Variants in WDR72 observed in about 807,000 individuals in gnomAD.
The protein encoded by WDR72 is WD repeat-containing protein 72.
WDR72 carries 120 observed loss-of-function variants against 124.2 expected under a neutral mutation model. The observed-to-expected ratio is 0.97, with a 90% CI of 0.83 to 1.12. The LOEUF (loss-of-function observed/expected upper bound fraction) is 1.12. WDR72 is among the 50% of genes most tolerant of loss of function. WDR72 has a pLI of 0.00. For missense variants in WDR72, 1,387 were observed against 1,278.8 expected (o/e 1.08, Z -1.29); for synonymous variants, 452 against 441.7 (o/e 1.02, Z -0.29).
intron 18 of WDR72, among the ~76,000 whole-genome samples, chr15:53,549,044 C>T (rs1893613765): frequency 6.6e-6 from 1 of 152,164 alleles, no homozygotes; most frequent in Admixed American, 6.5e-5. Flanking sequence ...CTATTTCAAA[C>T]AGTTAAGTAT....
chr15:53,758,776 G>C (rs1271696308), intron 1 of WDR72, among the ~76,000 whole-genome samples: 9 of 124,550 alleles, frequency 7.2e-5, no homozygotes, highest in Non-Finnish European at 8.9e-5. Context: ...TGCGGGGGGG[G>C]GGGGGGCGGT....
At chr15:53,608,207 T>C (rs539609977) in intron 17 of WDR72, among the ~76,000 whole-genome samples, 16 of 152,322 alleles carry the variant, frequency 1.1e-4, no homozygotes, top group Non-Finnish European at 1.9e-4. Context: ...ACTCCTATGT[T>C]TGTTGCAGAA....
intron 18 of WDR72, among the ~76,000 whole-genome samples, chr15:53,578,525 T>C (rs2011739810): frequency 6.6e-6 from 1 of 151,942 alleles, no homozygotes; most frequent in African/African-American, 2.4e-5. Flanking sequence ...TATGCAGAGG[T>C]TGAGAGCCAT....
In WDR72 at chr15:53,514,203, C is replaced by T. The variant is rs1891317919; in HGVS notation, c.*3496G>A. 6.6e-6 allele frequency: 1 copy of T among 152,250 alleles called. No homozygotes were observed. The highest frequency in any genetic ancestry group is 6.5e-5 in the Admixed American group (1 of 15,288). The allele number at this position is 152,250 out of a possible 1,614,324, so 9.4% of individuals were successfully genotyped here. ...GCAATGACTTTCTTAGGAAATTAAA[C>T]ACAACTTTTGGCACTTTACATATAA... On this transcript the variant is annotated 3_prime_UTR_variant, in exon 20 of 20. Transcript: ENST00000360509.
intron 11 of WDR72, among the ~76,000 whole-genome samples, chr15:53,704,334 T>C (rs1032397509): frequency 2.0e-5 from 3 of 152,202 alleles, no homozygotes; most frequent in Non-Finnish European, 4.4e-5. Flanking sequence ...TACATTTTTA[T>C]TTGTGCAATA....
intron 13 of WDR72, among the ~76,000 whole-genome samples, chr15:53,690,664 T>C (rs1182061583): frequency 1.3e-5 from 2 of 152,212 alleles, no homozygotes; most frequent in African/African-American, 2.4e-5. Context: ...TATATTATGA[T>C]TTGTTAGATT....
At chr15:53,711,209 T>C (rs1027084007) in intron 8 of WDR72, 127 bp downstream of exon 8, 11 of 1,381,718 alleles carry the variant, frequency 8.0e-6, no homozygotes, top group Non-Finnish European at 1.1e-5. Flanking sequence ...GAGTAAATCT[T>C]CTAGTGCCAA....
intron 13 of WDR72, among the ~76,000 whole-genome samples, chr15:53,697,152 T>A (rs968264414): frequency 6.6e-6 from 1 of 152,240 alleles, no homozygotes; most frequent in East Asian, 1.9e-4. Context: ...TAAAACAAAC[T>A]TTTTATAGAA....
At chr15:53,676,960 G>A (rs1279219616) in intron 13 of WDR72, among the ~76,000 whole-genome samples, 6 of 141,184 alleles carry the variant, frequency 4.2e-5, no homozygotes, top group South Asian at 2.2e-4. Flanking sequence ...TCACTTGGTC[G>A]CCCAGGCTGG....
At chr15:53,702,091 A>G in intron 12 of WDR72, 43 bp downstream of exon 12, 14 of 1,445,290 alleles carry the variant, frequency 9.7e-6, no homozygotes, top group Non-Finnish European at 1.1e-5. Context: ...TATAATTTAT[A>G]TAATTTTCAA....
chr15:53,715,031 C>G (rs1254053087), intron 5 of WDR72, among the ~76,000 whole-genome samples, 162 bp downstream of exon 5: 1 of 152,172 alleles, frequency 6.6e-6, no homozygotes. Context: ...CATGGGTGTT[C>G]TTAGTTTTTC....
intron 1 of WDR72, among the ~76,000 whole-genome samples, chr15:53,747,322 G>T (rs1413975087): frequency 2.0e-5 from 3 of 152,024 alleles, no homozygotes; most frequent in African/African-American, 7.3e-5. Context: ...ATTCTGTCTG[G>T]TCAACCCACT....
chr15:53,719,850 C>A (rs1049683844), intron 3 of WDR72, among the ~76,000 whole-genome samples: 2 of 152,156 alleles, frequency 1.3e-5, no homozygotes, highest in African/African-American at 2.4e-5. Flanking sequence ...ACTCACCTAG[C>A]GGCTTCCAAG....
At position 53,699,872 on chromosome 15, in the gene WDR72, C is replaced by A. The variant is rs921604463; in HGVS notation, c.1643G>T (p.Ser548Ile). The A allele has an allele frequency of 1.1e-5, 17 of 1,614,054 alleles. No individual in the cohort carries two copies. The highest frequency in any genetic ancestry group is 8.5e-7 in the Non-Finnish European group (1 of 1,180,040). Reference protein sequence around the residue: ...SVALLHLEGKSCLLHARKHLF... With the variant: ...SVALLHLEGKICLLHARKHLF... ...GTGCTTCCGGGCATGCAGGAGGCAA[C>A]TCTTTCCCTCAAGGTGAAGGAGAGC... Residue 548 changes from serine (S) to isoleucine (I), a missense_variant, in exon 13 of 20, where the codon AGT becomes ATT. Coordinates refer to ENST00000360509, the MANE Select transcript of WDR72 (RefSeq NM_182758.4).
intron 17 of WDR72, among the ~76,000 whole-genome samples, chr15:53,604,959 A>G (rs552073485): frequency 6.6e-6 from 1 of 152,324 alleles, no homozygotes; most frequent in East Asian, 1.9e-4. Context: ...AGACAGAAAT[A>G]CCACTCAACC....
intron 18 of WDR72, among the ~76,000 whole-genome samples, chr15:53,587,198 A>G (rs4488393): frequency 0.32 from 48,534 of 151,960 alleles, 8,291 homozygotes; most frequent in Admixed American, 0.42. Flanking sequence ...AAAGCTTTGT[A>G]TGTAATTTCC....
intron 5 of WDR72, 132 bp from the exon 6 acceptor site, chr15:53,714,642 T>TA: frequency 1.4e-6 from 1 of 694,654 alleles, no homozygotes; most frequent in East Asian, 2.7e-5. Flanking sequence ...AGTTACTTTT[T>TA]AACTAGAAAA....
intron 2 of WDR72, among the ~76,000 whole-genome samples, chr15:53,732,400 G>A (rs1229989180): frequency 3.3e-5 from 5 of 152,090 alleles, no homozygotes; most frequent in South Asian, 2.1e-4. Context: ...ATTCTGATAC[G>A]TTAAATGTTT....
chr15:53,742,718 G>T (rs2018541838), intron 1 of WDR72, among the ~76,000 whole-genome samples: 1 of 152,098 alleles, frequency 6.6e-6, no homozygotes, highest in Admixed American at 6.5e-5. Context: ...GAGGTCAAAT[G>T]AATTTCTCTC....
Sources: gnomAD v4.1 joint callset for allele counts (sites outside exome capture counted in the v4.1 genomes callset) on GRCh38, gnomAD v4.1.1 for gene constraint, MANE v1.5 for transcripts, NCBI Gene and HGNC (gene_info 2026-07-23, HGNC 2026-07-21) for gene names.